Variants in AGK observed in about 807,000 individuals in gnomAD.
AGK encodes the protein acylglycerol kinase, also known as acylglycerol kinase, mitochondrial.
Under a neutral mutation model 66.4 loss-of-function variants are expected in AGK, and 52 were observed. That is an observed-to-expected ratio of 0.78 (90% CI 0.63 to 0.99). AGK has a LOEUF of 0.99. Among genes scored for constraint, AGK ranks in the 50% least tolerant of loss-of-function variants. The probability of loss-of-function intolerance (pLI) is 0.00; values close to 1 mark genes in which losing one functional copy is unlikely to be tolerated. For missense variants in AGK, 451 were observed against 506.6 expected, an observed-to-expected ratio of 0.89 and a Z score of 1.05; for synonymous variants, 182 against 181.1, an observed-to-expected ratio of 1.00 and a Z score of -0.04.
chr7:141,620,693 T>G (rs185601452), intron 8 of AGK, among the ~76,000 whole-genome samples: 1 of 152,310 alleles, frequency 6.6e-6, no homozygotes, highest in African/African-American at 2.4e-5. Flanking sequence ...TGGGATCCAG[T>G]CATAAGGAGT....
At chr7:141,577,438 CTTTT>C (rs1327220380) in intron 2 of AGK, among the ~76,000 whole-genome samples, 1 of 152,178 alleles carries the variant, frequency 6.6e-6, no homozygotes, top group Non-Finnish European at 1.5e-5. Context: ...TGTAGTAGGA[CTTTT>C]CCTAAGTTCA....
chr7:141,555,508 A>G lies in AGK; in HGVS notation c.42A>G (p.Lys14=), dbSNP rs762737147. ...FFKTLRNHWK[K]TTAGLCLLTW... Reference sequence around the variant, plus strand: ...AAACGCTTCGAAATCACTGGAAGAAAACTACAGCTGGGCTCTGCCTGCTGA... The same window carrying G: ...AAACGCTTCGAAATCACTGGAAGAAGACTACAGCTGGGCTCTGCCTGCTGA... The change falls in exon 2 of 16, where the codon AAA becomes AAG. Residue 14 remains lysine, a synonymous_variant. Coordinates refer to ENST00000649286, the MANE Select transcript of AGK (RefSeq NM_018238.4). This position sits in a 1 kb window ranked among gnomAD's most constrained non-coding sequence, Gnocchi z 4.2. 6 of 1,613,986 alleles carry G rather than the reference A, an allele frequency of 3.7e-6. No homozygotes were observed. The Admixed American group carries it at 8.3e-5, about 22-fold the overall frequency.
intron 9 of AGK, among the ~76,000 whole-genome samples, chr7:141,632,913 A>C (rs955080163): frequency 1.3e-5 from 2 of 152,180 alleles, no homozygotes; most frequent in Admixed American, 1.3e-4. Flanking sequence ...TTCCAAAGCA[A>C]GTGACCTGCT....
At chr7:141,577,818 CTTTTTT>C (rs71172606) in intron 2 of AGK, among the ~76,000 whole-genome samples, 1 of 136,458 alleles carries the variant, frequency 7.3e-6, no homozygotes, top group Non-Finnish European at 1.6e-5. Context: ...CATAAATCTT[CTTTTTT>C]TTTTTTTTTT....
At chr7:141,551,734 C>A (rs941267531) in intron 1 of AGK, among the ~76,000 whole-genome samples, 1 of 151,980 alleles carries the variant, frequency 6.6e-6, no homozygotes, top group Non-Finnish European at 1.5e-5. Context: ...AACTTGTGGA[C>A]CCCCCTCACT....
chr7:141,570,847 AC>A (rs1234995208), intron 2 of AGK, among the ~76,000 whole-genome samples: 3 of 152,090 alleles, frequency 2.0e-5, no homozygotes, highest in Non-Finnish European at 4.4e-5. Flanking sequence ...GTTTTACTGT[AC>A]ATTTTGTTCA....
rs1218773174 is a variant in AGK, at chr7:141,591,114, CAG to C, written c.102-2029_102-2028del. ...TTTTTTTTTTTTTTTTTTTTTGAGA[CAG>C]AGTCTCACTCTGTAGCCCCAGGCTG... On this transcript the variant is annotated intron_variant, in intron 2 of 15. Coordinates refer to ENST00000649286, the MANE Select transcript of AGK (RefSeq NM_018238.4). 7.2e-3 allele frequency among the ~76,000 whole-genome samples: 705 copies of C among 98,376 alleles called. 10 individuals carry two copies. Among genetic ancestry groups the C allele is most frequent in the African/African-American group, 0.027 (686 of 25,648 alleles). The allele number at this position is 98,376 out of a possible 152,430, so 64.5% of individuals were successfully genotyped here.
intron 13 of AGK, among the ~76,000 whole-genome samples, chr7:141,648,889 A>C (rs1797480514): frequency 6.6e-6 from 1 of 152,218 alleles, no homozygotes; most frequent in Non-Finnish European, 1.5e-5. Flanking sequence ...GCTCATGTAC[A>C]GTGAACACTG....
chr7:141,607,513 G>C (rs1796489772), intron 5 of AGK, among the ~76,000 whole-genome samples: 2 of 152,086 alleles, frequency 1.3e-5, no homozygotes, highest in African/African-American at 2.4e-5. Context: ...TGAGTTTTAA[G>C]AGTTATTTAT....
At chr7:141,563,235 A>G (rs992628306) in intron 2 of AGK, among the ~76,000 whole-genome samples, 1 of 152,198 alleles carries the variant, frequency 6.6e-6, no homozygotes, top group African/African-American at 2.4e-5. Flanking sequence ...GGGAGATGCA[A>G]TGCACATTAG....
intron 2 of AGK, among the ~76,000 whole-genome samples, chr7:141,571,845 C>G (rs1021384300): frequency 5.9e-5 from 9 of 152,068 alleles, no homozygotes; most frequent in African/African-American, 2.2e-4. Flanking sequence ...TTTTTTAGAA[C>G]AATGCCTGAC....
chr7:141,552,871 C>T (rs1047504169), intron 1 of AGK, among the ~76,000 whole-genome samples: 3 of 152,130 alleles, frequency 2.0e-5, no homozygotes, highest in South Asian at 2.1e-4. Context: ...TTCTCCCCAG[C>T]GTATTACTGT....
At chr7:141,630,167 G>T (rs186422786) in intron 9 of AGK, among the ~76,000 whole-genome samples, 48 of 152,280 alleles carry the variant, frequency 3.2e-4, no homozygotes, top group African/African-American at 1.0e-3. Flanking sequence ...AACATTTGGG[G>T]AAATGATGCT....
intron 2 of AGK, among the ~76,000 whole-genome samples, chr7:141,589,103 A>C (rs1452601471): frequency 6.6e-6 from 1 of 152,028 alleles, no homozygotes; most frequent in Non-Finnish European, 1.5e-5. Context: ...GCCTCTTTTT[A>C]CCCAGCCCCT....
At chr7:141,599,506 A>G (rs1188159832) in intron 4 of AGK, among the ~76,000 whole-genome samples, 1 of 152,190 alleles carries the variant, frequency 6.6e-6, no homozygotes, top group Non-Finnish European at 1.5e-5. Context: ...AACTTATAAC[A>G]TCATATAAAG....
At chr7:141,619,756 T>G (rs1562975423) in intron 8 of AGK, among the ~76,000 whole-genome samples, 2 of 151,712 alleles carry the variant, frequency 1.3e-5, no homozygotes, top group East Asian at 1.9e-4. Flanking sequence ...TACGAAATGG[T>G]AGCCACTTTA....
At position 141,572,319 on chromosome 7, in the gene AGK, G is replaced by C. The variant is rs148037064; in HGVS notation, c.101+16752G>C. Among the ~76,000 whole-genome samples, 489 of 152,336 alleles carry C rather than the reference G, an allele frequency of 3.2e-3. 3 individuals carry two copies. Among genetic ancestry groups the C allele is most frequent in the Admixed American group, 5.0e-3 (77 of 15,300 alleles). ...AAAGGTAATAAAGGCCTAAACCAGA[G>C]TGATGGCATTAGGAATGGAAGAACT... On this transcript the variant is annotated intron_variant, in intron 2 of 15. Coordinates refer to ENST00000649286, the MANE Select transcript of AGK (RefSeq NM_018238.4).
intron 2 of AGK, 98 bp from the exon 3 acceptor site, chr7:141,593,048 A>G: frequency 1.0e-6 from 1 of 988,982 alleles, no homozygotes; most frequent in Non-Finnish European, 1.5e-6. Context: ...GTTTTTAGAG[A>G]AGAGGTGCCT....
rs116519105 is a variant in AGK, at chr7:141,564,531, A to G, written c.101+8964A>G. On this transcript the variant is annotated intron_variant, in intron 2 of 15. Coordinates refer to ENST00000649286, the MANE Select transcript of AGK (RefSeq NM_018238.4). ...CACTCCCATGATTCAGTTACCTTCC[A>G]TTGGGCCCCTCCCATGACACATGGG... Among the ~76,000 whole-genome samples the G allele has an allele frequency of 3.2e-3, 488 of 152,248 alleles. 2 individuals are homozygous for G. The highest frequency in any genetic ancestry group is 0.01 in the African/African-American group (425 of 41,556).
Sources: allele counts gnomAD v4.1 joint callset (sites outside exome capture counted in the v4.1 genomes callset), GRCh38; gene constraint gnomAD v4.1.1; non-coding constraint Gnocchi (gnomAD v3.1); transcripts MANE v1.5; gene names NCBI Gene and HGNC (gene_info 2026-07-23, HGNC 2026-07-21).